UNC5C: variants seen among roughly 807,000 people sequenced by gnomAD.
UNC5C encodes the protein unc-5 netrin receptor C.
Under a neutral mutation model 99.8 loss-of-function variants are expected in UNC5C, and 47 were observed. That is an observed-to-expected ratio of 0.47 (90% CI 0.37 to 0.60). The LOEUF is 0.60. Among genes scored for constraint, UNC5C ranks in the 20% least tolerant of loss-of-function variants. The probability of loss-of-function intolerance (pLI) is 0.00; values close to 1 mark genes in which losing one functional copy is unlikely to be tolerated. For missense variants in UNC5C, 1,062 were observed against 1,165.9 expected (o/e 0.91, Z 1.30); for synonymous variants, 487 against 452.2 (o/e 1.08, Z -0.98).
chr4:95,250,524 G>T lies in UNC5C; in HGVS notation c.738C>A (p.Ala246=). 6.2e-7 allele frequency: 1 copy of T among 1,613,932 alleles called. No homozygotes were observed. Among genetic ancestry groups the T allele is most frequent in the South Asian group, 1.1e-5 (1 of 91,058 alleles). Residue 246 remains alanine (A), a synonymous_variant, in exon 5 of 16, where the codon GCC becomes GCA. Coordinates refer to ENST00000453304, the MANE Select transcript of UNC5C (RefSeq NM_003728.4). ...CAGTGGCAGTTGTACTTTTCCTCTTGGCAACAATGTTTTTGGCAACACAGG... is the reference window on the plus strand; with the variant it reads ...CAGTGGCAGTTGTACTTTTCCTCTTTGCAACAATGTTTTTGGCAACACAGG... ...NYTCVAKNIV[A]KRKSTTATVI...
intron 10 of UNC5C, 82 bp downstream of exon 10, chr4:95,216,040 ATG>A: frequency 1.7e-6 from 2 of 1,185,054 alleles, no homozygotes; most frequent in Non-Finnish European, 2.4e-6. Context: ...AGACAAAAAT[ATG>A]TTGGGTTTAT....
At chr4:95,495,164 T>A (rs888663330) in intron 1 of UNC5C, among the ~76,000 whole-genome samples, 13 of 151,504 alleles carry the variant, frequency 8.6e-5, no homozygotes, top group Admixed American at 5.9e-4. Flanking sequence ...TTGTTCTCTA[T>A]TTTTTTCTTT....
intron 1 of UNC5C, among the ~76,000 whole-genome samples, chr4:95,403,449 C>T (rs1156614410): frequency 6.6e-6 from 1 of 152,070 alleles, no homozygotes; most frequent in Non-Finnish European, 1.5e-5. Flanking sequence ...CAGCAGGAGG[C>T]CACTGAAAGT....
rs552509364 is a variant in UNC5C at position 95,229,075 on chromosome 4, G to GA, written c.1109-8900dup. 2.2e-3 allele frequency among the ~76,000 whole-genome samples: 329 copies of GA among 152,082 alleles called. 4 individuals are homozygous for GA. Among genetic ancestry groups the GA allele is most frequent in the Non-Finnish European group, 3.2e-3 (220 of 67,972 alleles). On this transcript the variant is annotated intron_variant, in intron 7 of 15. Transcript: ENST00000453304. ...TTTCCCTCAAAAATGATGCCATGTGGAAAAAAGGAATAAACATCAATAATT... is the reference window on the plus strand; with the variant it reads ...TTTCCCTCAAAAATGATGCCATGTGGAAAAAAAGGAATAAACATCAATAATT...
chr4:95,365,551 T>C (rs1290899274), intron 1 of UNC5C, among the ~76,000 whole-genome samples: 2 of 151,690 alleles, frequency 1.3e-5, no homozygotes, highest in Non-Finnish European at 2.9e-5. Context: ...ACTGAAAATT[T>C]TATAATTCTG....
intron 1 of UNC5C, among the ~76,000 whole-genome samples, chr4:95,536,637 T>A (rs1358423712): frequency 2.0e-5 from 3 of 152,172 alleles, no homozygotes; most frequent in African/African-American, 7.2e-5. Context: ...TTTATTCATT[T>A]CACAATAGAA....
intron 14 of UNC5C, among the ~76,000 whole-genome samples, chr4:95,175,949 A>C (rs1351857185): frequency 3.3e-5 from 5 of 151,332 alleles, no homozygotes; most frequent in African/African-American, 1.2e-4. Flanking sequence ...ATTTCTTTTT[A>C]TTCTTTTTTC....
intron 7 of UNC5C, among the ~76,000 whole-genome samples, chr4:95,222,492 G>A (rs1178744189): frequency 1.3e-5 from 2 of 152,054 alleles, no homozygotes; most frequent in Non-Finnish European, 1.5e-5. Context: ...AACTGGTCTC[G>A]AGTCACTAAC....
chr4:95,370,441 C>G (rs992393626), intron 1 of UNC5C, among the ~76,000 whole-genome samples: 1 of 151,964 alleles, frequency 6.6e-6, no homozygotes, highest in East Asian at 1.9e-4. Flanking sequence ...CTGATATTCA[C>G]CAATATGCTA....
intron 12 of UNC5C, among the ~76,000 whole-genome samples, chr4:95,193,373 T>C (rs1331264963): frequency 1.3e-5 from 2 of 152,162 alleles, no homozygotes; most frequent in Admixed American, 1.3e-4. Flanking sequence ...AGAACCGCTC[T>C]CCGTGCTGGA....
At chr4:95,200,241 A>G (rs1284769668) in intron 12 of UNC5C, among the ~76,000 whole-genome samples, 2 of 152,108 alleles carry the variant, frequency 1.3e-5, no homozygotes, top group Non-Finnish European at 2.9e-5. Context: ...ATTCAGAAAA[A>G]CTTTCTTTCC....
intron 1 of UNC5C, among the ~76,000 whole-genome samples, chr4:95,346,793 AC>A (rs1380653267): frequency 6.6e-6 from 1 of 151,964 alleles, no homozygotes; most frequent in Non-Finnish European, 1.5e-5. Context: ...TATACAACAA[AC>A]CCACAACTGG....
intron 1 of UNC5C, among the ~76,000 whole-genome samples, chr4:95,544,012 A>G (rs1220524010): frequency 6.6e-6 from 1 of 152,180 alleles, no homozygotes; most frequent in Admixed American, 6.5e-5. Context: ...GTTCAAAATT[A>G]TTGACCTTTA....
intron 1 of UNC5C, among the ~76,000 whole-genome samples, chr4:95,436,539 T>G (rs1466042284): frequency 2.6e-5 from 4 of 151,998 alleles, no homozygotes; most frequent in African/African-American, 9.7e-5. Context: ...TTGGGCACTT[T>G]TTTTGAGGCA....
intron 1 of UNC5C, among the ~76,000 whole-genome samples, chr4:95,415,905 A>T (rs558308143): frequency 1.3e-5 from 2 of 151,808 alleles, no homozygotes; most frequent in Admixed American, 6.6e-5. Context: ...GTCACTTTTT[A>T]AAATTGTTGT....
intron 7 of UNC5C, among the ~76,000 whole-genome samples, chr4:95,239,746 AAGG>A (rs1475570563): frequency 1.3e-5 from 2 of 152,202 alleles, no homozygotes; most frequent in African/African-American, 4.8e-5. Context: ...TTTTCAGTCA[AAGG>A]TGTTTGTATT....
chr4:95,319,698 G>T (rs753869076), intron 2 of UNC5C, among the ~76,000 whole-genome samples: 26 of 152,264 alleles, frequency 1.7e-4, no homozygotes, highest in Non-Finnish European at 2.5e-4. Flanking sequence ...ATGATCCAGA[G>T]CTATTTAGCA....
At chr4:95,180,005 A>AG (rs1736547223) in intron 14 of UNC5C, among the ~76,000 whole-genome samples, 1 of 150,642 alleles carries the variant, frequency 6.6e-6, no homozygotes, top group South Asian at 2.1e-4. Flanking sequence ...TTGATGACAG[A>AG]CCCCCCCCAC....
At chr4:95,472,444 C>G (rs1747999340) in intron 1 of UNC5C, among the ~76,000 whole-genome samples, 1 of 152,118 alleles carries the variant, frequency 6.6e-6, no homozygotes, top group Non-Finnish European at 1.5e-5. Context: ...ACTTTTAATT[C>G]ATTAATGCAA....
Sources: allele counts gnomAD v4.1 joint callset (sites outside exome capture counted in the v4.1 genomes callset), GRCh38; gene constraint gnomAD v4.1.1; transcripts MANE v1.5; gene names NCBI Gene and HGNC (gene_info 2026-07-23, HGNC 2026-07-21).